The following LSM14A variants were observed in gnomAD, a reference collection of about 807,000 sequenced individuals.
LSM14A encodes the protein LSM14A mRNA processing body assembly factor.
A neutral mutation model predicts 52.4 loss-of-function variants in LSM14A; 14 were observed. The observed-to-expected ratio is 0.27, with a 90% CI of 0.18 to 0.42. The LOEUF is 0.42. Among genes scored for constraint, LSM14A ranks in the 10% least tolerant of loss-of-function variants. The pLI is 1.00. For missense variants in LSM14A, 417 were observed against 581.8 expected, an observed-to-expected ratio of 0.72 and a Z score of 2.91; for synonymous variants, 185 against 200.3, an observed-to-expected ratio of 0.92 and a Z score of 0.64.
intron 9 of LSM14A, among the ~76,000 whole-genome samples, chr19:34,225,867 G>A (rs1051808916): frequency 6.6e-6 from 1 of 152,122 alleles, no homozygotes; most frequent in Non-Finnish European, 1.5e-5. Context: ...TTCAAGGACA[G>A]CATGGGCAAC....
At chr19:34,206,270 C>A (rs1347878691) in intron 3 of LSM14A, among the ~76,000 whole-genome samples, 2 of 152,100 alleles carry the variant, frequency 1.3e-5, no homozygotes, top group Non-Finnish European at 2.9e-5. Flanking sequence ...ACTCAGGAGG[C>A]TGATGCAGAA....
At chr19:34,209,214 T>G (rs1408533539) in intron 4 of LSM14A, among the ~76,000 whole-genome samples, 163 bp downstream of exon 4, 1 of 152,252 alleles carries the variant, frequency 6.6e-6, no homozygotes, top group African/African-American at 2.4e-5. Context: ...AATATATTAT[T>G]GAATGACTCT....
In LSM14A at chr19:34,225,332, A is replaced by G. The variant is rs1431767168; in HGVS notation, c.1369-2033A>G. Among the ~76,000 whole-genome samples, 4 of 152,118 alleles carry G rather than the reference A, an allele frequency of 2.6e-5. 1 individual carries two copies. In the South Asian group the frequency reaches 6.2e-4, roughly 24 times the overall value. ...AGCAGCCCTACACCTCCTAAATCAT[A>G]AAATCATTTCACCTGGCACCTTTAA... On this transcript the variant is annotated intron_variant, in intron 9 of 9. Transcript: ENST00000544216.
intron 1 of LSM14A, among the ~76,000 whole-genome samples, chr19:34,177,128 T>C (rs2145470925): frequency 6.6e-6 from 1 of 152,362 alleles, no homozygotes; most frequent in South Asian, 2.1e-4. Flanking sequence ...TCTAGAGTTC[T>C]GTATTCTGAA....
chr19:34,198,554 T>C (rs1054282621), intron 3 of LSM14A, among the ~76,000 whole-genome samples: 1 of 152,140 alleles, frequency 6.6e-6, no homozygotes. Flanking sequence ...AGGCAGAGGT[T>C]GCAGTGAGCT....
chr19:34,192,438 G>A (rs1489802970), intron 1 of LSM14A, among the ~76,000 whole-genome samples: 1 of 138,066 alleles, frequency 7.2e-6, no homozygotes, highest in Non-Finnish European at 1.5e-5. Context: ...CAATCCTCCC[G>A]CCTCAGCCAC....
At chr19:34,212,168 T>C (rs2072211965) in intron 4 of LSM14A, among the ~76,000 whole-genome samples, 1 of 152,058 alleles carries the variant, frequency 6.6e-6, no homozygotes, top group Non-Finnish European at 1.5e-5. Flanking sequence ...GGACCCTGTC[T>C]CTAAAAAAAT....
chr19:34,179,797 A>G (rs1039526706), intron 1 of LSM14A, among the ~76,000 whole-genome samples: 1 of 152,248 alleles, frequency 6.6e-6, no homozygotes, highest in South Asian at 2.1e-4. Context: ...GTAACTACAG[A>G]TAGTTTAACT....
intron 8 of LSM14A, 38 bp downstream of exon 8, chr19:34,219,915 G>T: frequency 7.1e-7 from 1 of 1,417,400 alleles, no homozygotes; most frequent in South Asian, 1.2e-5. Context: ...TTATGATATT[G>T]ATTGAAGTGT....
At chr19:34,217,993 CTTTTT>C (rs56321625) in intron 6 of LSM14A, among the ~76,000 whole-genome samples, 2 of 108,166 alleles carry the variant, frequency 1.8e-5, no homozygotes, top group African/African-American at 3.7e-5. Context: ...TACCCAAAAC[CTTTTT>C]TTTTTTTTTT....
At chr19:34,183,319 G>A (rs560472499) in intron 1 of LSM14A, among the ~76,000 whole-genome samples, 6 of 152,226 alleles carry the variant, frequency 3.9e-5, no homozygotes, top group South Asian at 4.1e-4. Flanking sequence ...TTGGGAGGCC[G>A]AGGCGGGCGG....
intron 4 of LSM14A, among the ~76,000 whole-genome samples, chr19:34,213,346 T>A (rs2072313150): frequency 6.6e-6 from 1 of 152,212 alleles, no homozygotes; most frequent in Non-Finnish European, 1.5e-5. Context: ...TGATAAATGA[T>A]CATTTATTTG....
intron 9 of LSM14A, chr19:34,226,373 C>CTCTTTTTTTTTTT: frequency 7.8e-7 from 1 of 1,282,730 alleles, no homozygotes; most frequent in Non-Finnish European, 1.0e-6. Flanking sequence ...CCATCTCTTT[C>CTCTTTTTTTTTTT]TCTTTTTTTT....
At chr19:34,173,207 T>C (rs566067554) in intron 1 of LSM14A, among the ~76,000 whole-genome samples, 37 of 152,370 alleles carry the variant, frequency 2.4e-4, no homozygotes, top group African/African-American at 8.7e-4. Context: ...TTCGTGGCGA[T>C]CTTCCTCTGG....
intron 1 of LSM14A, among the ~76,000 whole-genome samples, chr19:34,185,784 G>A (rs2069858660): frequency 6.6e-6 from 1 of 152,200 alleles, no homozygotes; most frequent in South Asian, 2.1e-4. Flanking sequence ...GAATGGACAA[G>A]AGCTGTACAT....
At position 34,221,758 on chromosome 19, in the gene LSM14A, A is replaced by C. The variant is rs776252105; in HGVS notation, c.1368+20A>C. On this transcript the variant is annotated intron_variant, in intron 9 of 9. Transcript: ENST00000544216. ...TATAGGGTAAGTGTTACTGTTAATA[A>C]ATTCTTTGGGGTTGACATGCATTTT... is the stretch of plus-strand genomic sequence containing the variant. The C allele has an allele frequency of 1.3e-6, 2 of 1,585,308 alleles. No homozygotes were observed. Among genetic ancestry groups the C allele is most frequent in the Non-Finnish European group, 8.6e-7 (1 of 1,158,904 alleles).
In LSM14A at chr19:34,197,456, T is replaced by A. The variant is rs534925102; in HGVS notation, c.415+693T>A. 5.2e-3 allele frequency among the ~76,000 whole-genome samples: 316 copies of A among 60,528 alleles called. 4 individuals are homozygous for A. Among genetic ancestry groups the A allele is most frequent in the African/African-American group, 0.02 (295 of 14,960 alleles). 39.7% of individuals were successfully genotyped at this position (60,528 alleles called of 152,430 possible). A position where few individuals can be genotyped will look rare whatever the true frequency, so the allele number is the denominator to read the frequency against. On this transcript the variant is annotated intron_variant, in intron 3 of 9. Transcript: ENST00000544216. ...CTTTTTTTTTTTTTTTTTTTTTTTC[T>A]GAGGCAGAGTCTTGCTCTGTTGCCC... is the stretch of plus-strand genomic sequence containing the variant.
intron 2 of LSM14A, 25 bp downstream of exon 2, chr19:34,194,666 G>T (rs1165673372): frequency 1.6e-5 from 26 of 1,612,480 alleles, no homozygotes; most frequent in Non-Finnish European, 2.1e-5. Flanking sequence ...ATTTGTCTTG[G>T]AGTACAGGTA....
chr19:34,220,107 C>T (rs2072950058), intron 8 of LSM14A, among the ~76,000 whole-genome samples: 1 of 152,090 alleles, frequency 6.6e-6, no homozygotes, highest in Non-Finnish European at 1.5e-5. Context: ...AAGGGGACTA[C>T]AGTTGTACAC....
Sources: allele counts gnomAD v4.1 joint callset (sites outside exome capture counted in the v4.1 genomes callset), GRCh38; gene constraint gnomAD v4.1.1; transcripts MANE v1.5; gene names NCBI Gene and HGNC (gene_info 2026-07-23, HGNC 2026-07-21).